The following ASIC2 variants were observed in gnomAD, a reference collection of about 807,000 sequenced individuals.
ASIC2 encodes the protein acid-sensing ion channel 2.
A neutral mutation model predicts 57.3 loss-of-function variants in ASIC2; 25 were observed. That is an observed-to-expected ratio of 0.44 (90% CI 0.32 to 0.61). The LOEUF is 0.61. ASIC2 is among the 20% of genes least tolerant of loss of function. The pLI is 0.06. For synonymous variants in ASIC2, 319 were observed against 307.5 expected (o/e 1.04, Z -0.39); for missense variants, 641 against 738.1 (o/e 0.87, Z 1.52).
intron 1 of ASIC2, among the ~76,000 whole-genome samples, chr17:33,331,168 T>C (rs1201641288): frequency 1.3e-5 from 2 of 152,122 alleles, no homozygotes; most frequent in African/African-American, 4.8e-5. Flanking sequence ...TTTATGAGAA[T>C]CTAATGCCTG....
chr17:33,939,584 C>T (rs1385739187), intron 1 of ASIC2, among the ~76,000 whole-genome samples: 2 of 151,084 alleles, frequency 1.3e-5, no homozygotes, highest in Non-Finnish European at 2.9e-5. Flanking sequence ...AGTGCAGGCT[C>T]TTCCAAATCC....
chr17:33,156,801 G>T (rs2142035197), intron 1 of ASIC2, among the ~76,000 whole-genome samples: 1 of 152,154 alleles, frequency 6.6e-6, no homozygotes, highest in East Asian at 1.9e-4. Flanking sequence ...CAGTGCTTGG[G>T]TTAGGCTGCA....
At chr17:33,071,953 C>A (rs188226783) in intron 3 of ASIC2, among the ~76,000 whole-genome samples, 2 of 152,304 alleles carry the variant, frequency 1.3e-5, no homozygotes, top group East Asian at 1.9e-4. Context: ...TCAAATCATT[C>A]TTTCTCTGGT....
intron 1 of ASIC2, among the ~76,000 whole-genome samples, chr17:33,324,101 C>G (rs146609867): frequency 6.6e-6 from 1 of 152,120 alleles, no homozygotes; most frequent in Non-Finnish European, 1.5e-5. Context: ...TAAAAGATCT[C>G]GATGGTGAAC....
At chr17:33,629,742 G>C (rs1396897187) in intron 1 of ASIC2, among the ~76,000 whole-genome samples, 1 of 152,188 alleles carries the variant, frequency 6.6e-6, no homozygotes, top group Admixed American at 6.5e-5. Context: ...TAGAGGTGCT[G>C]CTCAGCAGCC....
intron 1 of ASIC2, among the ~76,000 whole-genome samples, chr17:33,894,387 A>G (rs1473341280): frequency 6.7e-6 from 1 of 148,238 alleles, no homozygotes. Flanking sequence ...GTGTGTGTTC[A>G]TGTGCTCTCT....
In ASIC2 at chr17:34,099,117, AGAGAGAGAGAGAGAGAGAGAGAGAGAGAC is replaced by A; in HGVS notation, c.555+56832_555+56860del. On this transcript the variant is annotated intron_variant, in intron 1 of 9. Coordinates refer to the ASIC2 transcript ENST00000359872. The stretch of plus-strand genomic sequence containing the variant: ...TAAGAGAGAAAAGAGAGAGAGAGAG[AGAGAGAGAGAGAGAGAGAGAGAGAGAGAC>A]AGAGAGAGAGAGAGAGAGAAAGAAA... Among the ~76,000 whole-genome samples, 17 of 27,180 alleles carry A rather than the reference AGAGAGAGAGAGAGAGAGAGAGAGAGAGAC, an allele frequency of 6.3e-4. 1 individual carries two copies. The highest frequency in any genetic ancestry group is 1.8e-3 in the African/African-American group (14 of 7,782). 17.8% of individuals were successfully genotyped at this position (27,180 alleles called of 152,430 possible).
intron 1 of ASIC2, among the ~76,000 whole-genome samples, chr17:33,941,155 T>C (rs1916183968): frequency 6.6e-6 from 1 of 152,094 alleles, no homozygotes; most frequent in Admixed American, 6.5e-5. Flanking sequence ...TGAGCTCAAC[T>C]GTGGTGGAAA....
rs149775655 is a variant in ASIC2, at chr17:33,583,055, A to C, written c.556-470988T>G. ...TGCAATGAGTGTGGGGACACTGGTG[A>C]CTTCTACAAAGGCTCATTGAAAAGG... On this transcript the variant is annotated intron_variant, in intron 1 of 9. Coordinates refer to the ASIC2 transcript ENST00000359872. 1.9e-3 allele frequency among the ~76,000 whole-genome samples: 289 copies of C among 152,320 alleles called. 2 individuals are homozygous for C. Among genetic ancestry groups the C allele is most frequent in the African/African-American group, 6.7e-3 (277 of 41,574 alleles).
chr17:33,322,796 TGGAGGAGGCTTCTC>T (rs1906921609), intron 1 of ASIC2, among the ~76,000 whole-genome samples: 1 of 151,752 alleles, frequency 6.6e-6, no homozygotes, highest in African/African-American at 2.4e-5. Context: ...GGGCACGAGT[TGGAGGAGGCTTCTC>T]GGAGGAGGCT....
intron 1 of ASIC2, among the ~76,000 whole-genome samples, chr17:33,892,108 G>A (rs1914976244): frequency 6.6e-6 from 1 of 152,166 alleles, no homozygotes; most frequent in Admixed American, 6.5e-5. Flanking sequence ...GACTACAACA[G>A]TGAATAAACT....
chr17:33,236,196 G>C (rs1467941897), intron 1 of ASIC2, among the ~76,000 whole-genome samples: 1 of 152,068 alleles, frequency 6.6e-6, no homozygotes, highest in Non-Finnish European at 1.5e-5. Context: ...ATGTTAGTAT[G>C]GGGTGAATGT....
chr17:33,340,878 G>A (rs1257581519), intron 1 of ASIC2, among the ~76,000 whole-genome samples: 1 of 152,074 alleles, frequency 6.6e-6, no homozygotes, highest in Admixed American at 6.6e-5. Flanking sequence ...CATTTAGGGA[G>A]GAACTCACTC....
At chr17:33,290,961 C>CT (rs34352956) in intron 1 of ASIC2, 27,788 of 124,200 alleles carry the variant, frequency 0.22, 3,271 homozygotes, top group South Asian at 0.34. Flanking sequence ...CAAGCGCTTC[C>CT]TTTTTTTTTT....
chr17:33,123,488 CT>C (rs202021851), intron 1 of ASIC2, among the ~76,000 whole-genome samples: 2 of 151,370 alleles, frequency 1.3e-5, no homozygotes, highest in African/African-American at 2.4e-5. Flanking sequence ...CCATTAAAAG[CT>C]TTTTTTTTAA....
At chr17:33,298,651 T>A (rs1009116626) in intron 1 of ASIC2, among the ~76,000 whole-genome samples, 135 of 152,216 alleles carry the variant, frequency 8.9e-4, no homozygotes, top group African/African-American at 3.2e-3. Flanking sequence ...TTTCTAGTTC[T>A]AGATCCTTGA....
At chr17:33,582,797 G>T (rs1268556320) in intron 1 of ASIC2, among the ~76,000 whole-genome samples, 1 of 151,618 alleles carries the variant, frequency 6.6e-6, no homozygotes, top group African/African-American at 2.4e-5. Context: ...ACATTCCAAA[G>T]CTTCATTTTC....
intron 1 of ASIC2, among the ~76,000 whole-genome samples, chr17:33,268,092 G>A (rs1271922914): frequency 2.6e-5 from 4 of 152,120 alleles, no homozygotes; most frequent in African/African-American, 9.7e-5. Context: ...ATAAATGCCT[G>A]GTGTTCATTC....
chr17:33,753,279 T>A (rs548384135), intron 1 of ASIC2, among the ~76,000 whole-genome samples: 1 of 151,886 alleles, frequency 6.6e-6, no homozygotes, highest in South Asian at 2.1e-4. Context: ...AGTAAGAAAA[T>A]CAGTGGTTGC....
Sources: gnomAD v4.1 joint callset for allele counts (sites outside exome capture counted in the v4.1 genomes callset) on GRCh38, gnomAD v4.1.1 for gene constraint, MANE v1.5 for transcripts, NCBI Gene and HGNC (gene_info 2026-07-23, HGNC 2026-07-21) for gene names.